GPR176: variants seen among roughly 807,000 people sequenced by gnomAD.
GPR176 encodes the protein G-protein coupled receptor 176.
GPR176 carries 26 observed loss-of-function variants against 35.4 expected under a neutral mutation model. The ratio of observed to expected loss-of-function variants is 0.74; its 90% CI spans 0.54 to 1.02. The LOEUF is 1.02. Ranked by LOEUF, GPR176 falls within the 50% of genes least tolerant of loss-of-function variation. The probability of loss-of-function intolerance (pLI) is 0.00; values close to 1 mark genes in which losing one functional copy is unlikely to be tolerated. For synonymous variants in GPR176, 278 were observed against 271.3 expected (o/e 1.02, Z -0.24); for missense variants, 597 against 665.3 (o/e 0.90, Z 1.13).
chr15:39,858,777 C>T (rs531139040), intron 1 of GPR176, among the ~76,000 whole-genome samples: 3 of 152,010 alleles, frequency 2.0e-5, no homozygotes, highest in Admixed American at 1.3e-4. Flanking sequence ...GATGGAGTGT[C>T]ACCCTGTTGC....
At chr15:39,907,423 A>C (rs1332895778) in intron 1 of GPR176, among the ~76,000 whole-genome samples, 1 of 152,172 alleles carries the variant, frequency 6.6e-6, no homozygotes, top group African/African-American at 2.4e-5. Context: ...GAGGACACTC[A>C]TTTCACCCCC....
chr15:39,801,719 G>T lies in GPR176; in HGVS notation c.961C>A (p.Leu321Ile), dbSNP rs773339133. The part of the protein sequence containing the change: ...VSLLANPVLF[L>I]TVNKSVRKCL... ...TTGCGGACAGATTTGTTCACAGTAAGAAAGAGAACAGGGTTTGCCAGCAGG... is the reference window on the plus strand; with the variant it reads ...TTGCGGACAGATTTGTTCACAGTAATAAAGAGAACAGGGTTTGCCAGCAGG... Residue 321 changes from leucine to isoleucine, a missense_variant, in exon 3 of 3, where the codon CTT (leucine) becomes ATT (isoleucine). Coordinates refer to ENST00000561100, the MANE Select transcript of GPR176 (RefSeq NM_007223.3). 1.2e-6 allele frequency: 2 copies of T among 1,613,332 alleles called. No homozygotes were observed. Among genetic ancestry groups the T allele is most frequent in the Non-Finnish European group, 1.7e-6 (2 of 1,179,362 alleles).
chr15:39,920,006 C>A lies in GPR176; in HGVS notation c.21G>T (p.Trp7Cys). 7.1e-7 allele frequency: 1 copy of A among 1,412,592 alleles called. No homozygotes were observed. The highest frequency in any genetic ancestry group is 9.3e-7 in the Non-Finnish European group (1 of 1,079,140). The allele number at this position is 1,412,592 out of a possible 1,614,324, so 87.5% of individuals were successfully genotyped here. Reference sequence around the variant, plus strand: ...GCGGCTCGCTGGCATTTGGAGAGATCCAGCTCCCGTTATGTCCCATGGCGA... The same window carrying A: ...GCGGCTCGCTGGCATTTGGAGAGATACAGCTCCCGTTATGTCCCATGGCGA... MGHNGS[W>C]ISPNASEPHN... The change falls in exon 1 of 3, where the codon TGG (tryptophan) becomes TGT (cysteine). Residue 7 changes from tryptophan (W) to cysteine (C), a missense_variant. Coordinates refer to ENST00000561100, the MANE Select transcript of GPR176 (RefSeq NM_007223.3).
chr15:39,824,318 T>C (rs964436892), intron 1 of GPR176, among the ~76,000 whole-genome samples: 1 of 152,252 alleles, frequency 6.6e-6, no homozygotes, highest in African/African-American at 2.4e-5. Context: ...TAGTATTTTA[T>C]AGTAATGCAA....
At chr15:39,836,237 A>G (rs1374938849) in intron 1 of GPR176, among the ~76,000 whole-genome samples, 1 of 152,196 alleles carries the variant, frequency 6.6e-6, no homozygotes, top group African/African-American at 2.4e-5. Context: ...TCTTCTCCAA[A>G]TCTCATGCTG....
rs1467468170 is a variant in GPR176, at chr15:39,800,998, G to T, written c.*134C>A. On this transcript the variant is annotated 3_prime_UTR_variant, in exon 3 of 3. Transcript: ENST00000561100. ...ATGTAGATTTCCCTATCATTCAAAA[G>T]CATCTGGCCCATATTGGAGGAATCA... 3.0e-5 allele frequency: 22 copies of T among 729,524 alleles called. No homozygotes were observed. The highest frequency in any genetic ancestry group is 4.6e-5 in the Non-Finnish European group (20 of 430,180). The allele number at this position is 729,524 out of a possible 1,614,324, so 45.2% of individuals were successfully genotyped here. A position where few individuals can be genotyped will look rare whatever the true frequency, so the allele number is the denominator to read the frequency against.
At chr15:39,823,809 T>C (rs1339029299) in intron 1 of GPR176, among the ~76,000 whole-genome samples, 1 of 152,166 alleles carries the variant, frequency 6.6e-6, no homozygotes, top group East Asian at 1.9e-4. Flanking sequence ...GTCTATGACT[T>C]TGAATGTGAA....
At chr15:39,919,285 TG>T (rs1566973410) in intron 1 of GPR176, among the ~76,000 whole-genome samples, 1 of 152,202 alleles carries the variant, frequency 6.6e-6, no homozygotes, top group Admixed American at 6.5e-5. Flanking sequence ...GGTTTGGTTT[TG>T]TTTTTTTTAA....
intron 1 of GPR176, among the ~76,000 whole-genome samples, chr15:39,855,825 GA>G (rs2031179082): frequency 6.6e-6 from 1 of 152,148 alleles, no homozygotes; most frequent in African/African-American, 2.4e-5. Context: ...GTTTGGGGAG[GA>G]AGTACCTGGA....
At chr15:39,871,149 G>A (rs573879) in intron 1 of GPR176, among the ~76,000 whole-genome samples, 151,703 of 152,322 alleles carry the variant, frequency 1, 75,549 homozygotes, top group Middle Eastern at 1. Flanking sequence ...AAAGAGAATT[G>A]TAAGGACAGA....
At chr15:39,884,835 C>T (rs2032611088) in intron 1 of GPR176, among the ~76,000 whole-genome samples, 2 of 152,186 alleles carry the variant, frequency 1.3e-5, no homozygotes, top group Admixed American at 1.3e-4. Context: ...CACAGCCACC[C>T]CCACTCTGCA....
chr15:39,914,458 C>G (rs551169384), intron 1 of GPR176, among the ~76,000 whole-genome samples: 1 of 151,846 alleles, frequency 6.6e-6, no homozygotes, highest in East Asian at 1.9e-4. Flanking sequence ...AGATTATAGG[C>G]GCCTACCACC....
At chr15:39,872,408 G>A (rs1244021789) in intron 1 of GPR176, among the ~76,000 whole-genome samples, 1 of 152,188 alleles carries the variant, frequency 6.6e-6, no homozygotes, top group Admixed American at 6.5e-5. Flanking sequence ...AGCAGGACAT[G>A]AGGCTGGACA....
At chr15:39,897,597 A>ATTT (rs1491229135) in intron 1 of GPR176, among the ~76,000 whole-genome samples, 31 of 93,814 alleles carry the variant, frequency 3.3e-4, no homozygotes, top group South Asian at 1.1e-3. Context: ...AAACATCCAA[A>ATTT]TATTTTTTTT....
At chr15:39,890,671 C>T (rs187628569) in intron 1 of GPR176, among the ~76,000 whole-genome samples, 1 of 152,356 alleles carries the variant, frequency 6.6e-6, no homozygotes, top group Non-Finnish European at 1.5e-5. Flanking sequence ...AAATACCACA[C>T]ACACACAAGT....
At chr15:39,869,547 GCCAAATTGTACTTCT>G (rs2031967724) in intron 1 of GPR176, among the ~76,000 whole-genome samples, 1 of 152,134 alleles carries the variant, frequency 6.6e-6, no homozygotes, top group African/African-American at 2.4e-5. Flanking sequence ...CACATCTGTG[GCCAAATTGTACTTCT>G]CCATTCCTTA....
chr15:39,914,612 G>C (rs11070239), intron 1 of GPR176, among the ~76,000 whole-genome samples: 17,003 of 152,052 alleles, frequency 0.11, 1,024 homozygotes, highest in Middle Eastern at 0.24. Context: ...ACCTGGCCCA[G>C]GATACCTTAT....
At chr15:39,878,131 T>TGTGTGTGTGTGTGC in intron 1 of GPR176, among the ~76,000 whole-genome samples, 1 of 150,786 alleles carries the variant, frequency 6.6e-6, no homozygotes. Context: ...TGTGTGTGTG[T>TGTGTGTGTGTGTGC]GTGTTGAGAA....
chr15:39,814,665 T>C lies in GPR176; in HGVS notation c.173-7407A>G, dbSNP rs1354551458. Among the ~76,000 whole-genome samples the C allele has an allele frequency of 2.0e-5, 3 of 152,208 alleles. 1 individual carries two copies. The highest frequency in any genetic ancestry group is 3.8e-4 in the East Asian group (2 of 5,200). ...GTCTGTGGGGGTTGTTTTTCTGTGG[T>C]AGGTTATATTGCCTGGCTATAGAAG... is the stretch of plus-strand genomic sequence containing the variant. On this transcript the variant is annotated intron_variant, in intron 1 of 2. Coordinates refer to ENST00000561100, the MANE Select transcript of GPR176 (RefSeq NM_007223.3).
Sources: allele counts gnomAD v4.1 joint callset (sites outside exome capture counted in the v4.1 genomes callset), GRCh38; gene constraint gnomAD v4.1.1; transcripts MANE v1.5; gene names NCBI Gene and HGNC (gene_info 2026-07-23, HGNC 2026-07-21).